DSCAM: variants seen among roughly 807,000 people sequenced by gnomAD.
DSCAM encodes cell adhesion molecule DSCAM.
Under a neutral mutation model 217.7 loss-of-function variants are expected in DSCAM, and 47 were observed. The observed-to-expected ratio is 0.22, with a 90% CI of 0.17 to 0.28. The LOEUF (loss-of-function observed/expected upper bound fraction) is 0.28. DSCAM is among the 10% of genes least tolerant of loss of function. The pLI, the probability that DSCAM is intolerant of heterozygous loss-of-function variation, is 1.00. For missense variants in DSCAM, 2,080 were observed against 2,618.3 expected (o/e 0.79, Z 4.49); for synonymous variants, 1,056 against 1,015.3 (o/e 1.04, Z -0.76).
chr21:40,358,178 A>G (rs1170283945), intron 4 of DSCAM, among the ~76,000 whole-genome samples: 2 of 152,154 alleles, frequency 1.3e-5, no homozygotes, highest in African/African-American at 4.8e-5. Flanking sequence ...TAAAAAATCA[A>G]CTCTCAATGA....
intron 4 of DSCAM, among the ~76,000 whole-genome samples, chr21:40,362,043 A>G (rs985525145): frequency 1.3e-5 from 2 of 152,054 alleles, no homozygotes; most frequent in African/African-American, 4.8e-5. Context: ...TGTCCTTGCG[A>G]TAGTTTACTG....
At chr21:40,567,864 G>T (rs772051966) in intron 3 of DSCAM, among the ~76,000 whole-genome samples, 1 of 152,092 alleles carries the variant, frequency 6.6e-6, no homozygotes, top group African/African-American at 2.4e-5. Flanking sequence ...TTAAAATTCA[G>T]TCTTTAGGAT....
intron 20 of DSCAM, among the ~76,000 whole-genome samples, chr21:40,119,223 A>G (rs910488715): frequency 6.6e-6 from 1 of 152,222 alleles, no homozygotes; most frequent in African/African-American, 2.4e-5. Context: ...AACCTGGCTC[A>G]GAGCTTGGTG....
chr21:40,846,510 G>C (rs2092146144), intron 1 of DSCAM, 109 bp downstream of exon 1: 1 of 393,378 alleles, frequency 2.5e-6, no homozygotes, highest in African/African-American at 2.2e-5. Context: ...CACAGATGAA[G>C]CGGAAAAAGA....
chr21:40,757,924 C>T (rs1043878679), intron 1 of DSCAM, among the ~76,000 whole-genome samples: 2 of 152,142 alleles, frequency 1.3e-5, no homozygotes. Flanking sequence ...CACCCAGTAC[C>T]CGTGGATGTG....
chr21:40,368,968 C>A, intron 4 of DSCAM, 131 bp downstream of exon 4: 1 of 1,040,340 alleles, frequency 9.6e-7, no homozygotes, highest in Non-Finnish European at 1.3e-6. Flanking sequence ...TTTTAAAATT[C>A]CTAAAATATT....
intron 32 of DSCAM, among the ~76,000 whole-genome samples, chr21:40,032,754 G>C (rs993662304): frequency 6.6e-6 from 1 of 152,214 alleles, no homozygotes; most frequent in East Asian, 1.9e-4. Flanking sequence ...TATTGAAATT[G>C]CTGGAACTCA....
intron 3 of DSCAM, among the ~76,000 whole-genome samples, chr21:40,456,137 AAAT>A (rs2075761649): frequency 6.6e-6 from 1 of 151,956 alleles, no homozygotes; most frequent in Admixed American, 6.5e-5. Flanking sequence ...TAATTTTTTT[AAAT>A]AATAGAGAAG....
At chr21:40,397,830 C>T (rs933905106) in intron 3 of DSCAM, among the ~76,000 whole-genome samples, 8 of 152,048 alleles carry the variant, frequency 5.3e-5, no homozygotes, top group African/African-American at 1.9e-4. Flanking sequence ...CTACTATCAT[C>T]ACTACTACCA....
intron 3 of DSCAM, among the ~76,000 whole-genome samples, chr21:40,498,729 G>GCCCA (rs2076145598): frequency 7.3e-5 from 1 of 13,746 alleles, no homozygotes; most frequent in Non-Finnish European, 1.4e-4. Context: ...ATATATATGG[G>GCCCA]TGTGTGTATA....
At chr21:40,519,927 G>C (rs1241713224) in intron 3 of DSCAM, among the ~76,000 whole-genome samples, 2 of 151,940 alleles carry the variant, frequency 1.3e-5, no homozygotes, top group Non-Finnish European at 2.9e-5. Flanking sequence ...TAGGTAACTT[G>C]AATCACTAGG....
intron 3 of DSCAM, among the ~76,000 whole-genome samples, chr21:40,475,047 C>G (rs2075922143): frequency 6.6e-6 from 1 of 152,112 alleles, no homozygotes; most frequent in Non-Finnish European, 1.5e-5. Context: ...CCTCACCTAC[C>G]CTGGATGCTG....
At chr21:40,410,138 G>A (rs1200521823) in intron 3 of DSCAM, among the ~76,000 whole-genome samples, 4 of 152,026 alleles carry the variant, frequency 2.6e-5, no homozygotes, top group African/African-American at 9.7e-5. Flanking sequence ...AAAAAGGATA[G>A]TATAAATGGA....
chr21:40,704,789 G>C (rs760508817), intron 2 of DSCAM, among the ~76,000 whole-genome samples: 1 of 152,196 alleles, frequency 6.6e-6, no homozygotes, highest in Non-Finnish European at 1.5e-5. Flanking sequence ...GTCTGTTCCA[G>C]TAGGAGTCAT....
At chr21:40,608,256 G>C (rs1042158247) in intron 3 of DSCAM, among the ~76,000 whole-genome samples, 2 of 152,178 alleles carry the variant, frequency 1.3e-5, no homozygotes, top group Non-Finnish European at 2.9e-5. Context: ...TGCCATAGCA[G>C]TGTATTTTTC....
At chr21:40,358,586 C>G (rs1400588552) in intron 4 of DSCAM, among the ~76,000 whole-genome samples, 1 of 152,042 alleles carries the variant, frequency 6.6e-6, no homozygotes, top group Non-Finnish European at 1.5e-5. Context: ...GCAGGCAGAT[C>G]ACATGAGGTG....
chr21:40,510,187 C>G (rs2076247312), intron 3 of DSCAM, among the ~76,000 whole-genome samples: 1 of 151,932 alleles, frequency 6.6e-6, no homozygotes, highest in Admixed American at 6.6e-5. Context: ...AAAGAAAGCA[C>G]TATAAAATCA....
At chr21:40,325,865 A>T (rs2074311674) in intron 8 of DSCAM, among the ~76,000 whole-genome samples, 1 of 152,164 alleles carries the variant, frequency 6.6e-6, no homozygotes, top group Non-Finnish European at 1.5e-5. Flanking sequence ...TTATTAGTGA[A>T]GTTAAATTCT....
chr21:40,014,681 T>G (rs1263728088), intron 32 of DSCAM, among the ~76,000 whole-genome samples: 1 of 152,158 alleles, frequency 6.6e-6, no homozygotes, highest in Non-Finnish European at 1.5e-5. Context: ...GTGTCGGACC[T>G]CTGTTATGGT....
Sources: allele counts gnomAD v4.1 joint callset (sites outside exome capture counted in the v4.1 genomes callset), GRCh38; gene constraint gnomAD v4.1.1; transcripts MANE v1.5; gene names NCBI Gene and HGNC (gene_info 2026-07-23, HGNC 2026-07-21).